NSMAF: variants seen among roughly 807,000 people sequenced by gnomAD.
NSMAF encodes neutral sphingomyelinase activation associated factor, also known as protein FAN.
In NSMAF, 90 loss-of-function variants were observed where a neutral mutation model predicts 134.9. That is an observed-to-expected ratio of 0.67 (90% CI 0.56 to 0.79). NSMAF has a LOEUF of 0.79. Ranked by LOEUF, NSMAF falls within the 30% of genes least tolerant of loss-of-function variation. The pLI is 0.00. For synonymous variants in NSMAF, 358 were observed against 389.6 expected, an observed-to-expected ratio of 0.92 and a Z score of 0.96; for missense variants, 1,010 against 1,119.0, an observed-to-expected ratio of 0.90 and a Z score of 1.39.
chr8:58,601,469 C>T lies in NSMAF; in HGVS notation c.1192G>A (p.Val398Ile), dbSNP rs779284766. The T allele has an allele frequency of 6.8e-6, 11 of 1,610,014 alleles. 1 individual carries two copies. The South Asian group carries it at 1.1e-4, about 16-fold the overall frequency. ...YGSHYSSPGY[V>I]LFYLVRIAPE... ...CCAATCCTAACAAGATAAAAAAGTA[C>T]ATAACCCGGGGAAGAGTAGTGACTC... Residue 398 changes from valine to isoleucine, a missense_variant, in exon 15 of 31, where the codon GTA (valine) becomes ATA (isoleucine). Val to Ile is a conservative substitution (Grantham distance 29, BLOSUM62 3). Coordinates refer to ENST00000038176, the MANE Select transcript of NSMAF (RefSeq NM_003580.4).
At chr8:58,639,014 G>A (rs1807267360) in intron 2 of NSMAF, among the ~76,000 whole-genome samples, 1 of 152,144 alleles carries the variant, frequency 6.6e-6, no homozygotes. Context: ...GGTGGGTGTG[G>A]TGGCTCACGC....
chr8:58,590,304 AC>A (rs112561291), intron 24 of NSMAF, among the ~76,000 whole-genome samples: 2 of 151,646 alleles, frequency 1.3e-5, no homozygotes, highest in African/African-American at 2.4e-5. Context: ...TAGCCTGATG[AC>A]TCTCCAGGGT....
chr8:58,640,317 T>C (rs571795895), intron 2 of NSMAF, among the ~76,000 whole-genome samples: 1 of 152,180 alleles, frequency 6.6e-6, no homozygotes, highest in South Asian at 2.1e-4. Context: ...ATATATACAA[T>C]TTTTATTCAT....
chr8:58,615,834 G>C (rs1453848819), intron 9 of NSMAF, among the ~76,000 whole-genome samples: 1 of 152,074 alleles, frequency 6.6e-6, no homozygotes, highest in African/African-American at 2.4e-5. Flanking sequence ...TCAACTATAA[G>C]TAAAGTGAAA....
chr8:58,658,456 T>C (rs767037937), intron 1 of NSMAF, among the ~76,000 whole-genome samples: 9 of 152,154 alleles, frequency 5.9e-5, no homozygotes, highest in Non-Finnish European at 8.8e-5. Context: ...TAGACCAACA[T>C]TACAGATTAG....
intron 30 of NSMAF, 34 bp downstream of exon 30, chr8:58,585,618 A>AT (rs1563521207): frequency 6.9e-7 from 1 of 1,450,028 alleles, no homozygotes. Context: ...TTATCTTGAG[A>AT]ACAAAGATCA....
intron 10 of NSMAF, 63 bp downstream of exon 10, chr8:58,609,541 G>A (rs991348817): frequency 6.4e-7 from 1 of 1,574,692 alleles, no homozygotes; most frequent in Non-Finnish European, 8.7e-7. Flanking sequence ...GGCATTGTGA[G>A]GCCATGGTCT....
intron 1 of NSMAF, among the ~76,000 whole-genome samples, chr8:58,647,385 G>A (rs1443160104): frequency 6.6e-6 from 1 of 152,178 alleles, no homozygotes; most frequent in Non-Finnish European, 1.5e-5. Context: ...TATAGACAAG[G>A]CAAGATCGCA....
In NSMAF at chr8:58,609,618, G is replaced by C. The variant is rs1466210895; in HGVS notation, c.673C>G (p.Leu225Val). ...GGTCTACACACCGGGTAGCCGTTGAGGGGCTGAAAATACAGGTTTGTGTCC... is the reference window on the plus strand; with the variant it reads ...GGTCTACACACCGGGTAGCCGTTGACGGGCTGAAAATACAGGTTTGTGTCC... ...ITDTNLYFQPLNGYPKPVVQI... is the reference protein window; with the variant it reads ...ITDTNLYFQPVNGYPKPVVQI... The change falls in exon 10 of 31, where the codon CTC (leucine) becomes GTC (valine). Residue 225 changes from leucine (L) to valine (V), a missense_variant. Coordinates refer to ENST00000038176, the MANE Select transcript of NSMAF (RefSeq NM_003580.4). 2.5e-6 allele frequency: 4 copies of C among 1,614,160 alleles called. No homozygotes were observed. Among genetic ancestry groups the C allele is most frequent in the Non-Finnish European group, 3.4e-6 (4 of 1,180,002 alleles).
chr8:58,591,025 CA>C, intron 23 of NSMAF, 91 bp from the exon 24 acceptor site: 1 of 1,397,760 alleles, frequency 7.2e-7, no homozygotes, highest in Non-Finnish European at 9.6e-7. Flanking sequence ...TCCTGGTGGC[CA>C]ACAGTACACT....
At chr8:58,604,284 GAC>G (rs1342197590) in intron 12 of NSMAF, among the ~76,000 whole-genome samples, 1 of 152,018 alleles carries the variant, frequency 6.6e-6, no homozygotes. Context: ...AGTGAGAACT[GAC>G]AGTTTCTTAG....
In NSMAF at chr8:58,609,983, A is replaced by G. The variant is rs775540960; in HGVS notation, c.558-250T>C. ...AGAAGCCATGACAGACAAGTAAATAATACCAAATAACCCTTAGCTAAACTC... is the reference window on the plus strand; with the variant it reads ...AGAAGCCATGACAGACAAGTAAATAGTACCAAATAACCCTTAGCTAAACTC... On this transcript the variant is annotated intron_variant, in intron 9 of 30. Coordinates refer to ENST00000038176, the MANE Select transcript of NSMAF (RefSeq NM_003580.4). Among the ~76,000 whole-genome samples the G allele has an allele frequency of 5.6e-4, 85 of 152,200 alleles. 2 individuals are homozygous for G. Among genetic ancestry groups the G allele is most frequent in the Non-Finnish European group, 2.1e-4 (14 of 68,034 alleles).
At chr8:58,595,146 C>T (rs1157899227) in intron 22 of NSMAF, among the ~76,000 whole-genome samples, 1 of 152,184 alleles carries the variant, frequency 6.6e-6, no homozygotes, top group Non-Finnish European at 1.5e-5. Context: ...TTGCAATGTT[C>T]TCTGGGAGAG....
chr8:58,601,445 C>A lies in NSMAF; in HGVS notation c.1216G>T (p.Ala406Ser). The change falls in exon 15 of 31, where the codon GCA becomes TCA. Residue 406 changes from alanine (A) to serine (S), a missense_variant and splice_region_variant. Ala to Ser is a moderately conservative substitution (Grantham distance 99, BLOSUM62 1). Coordinates refer to ENST00000038176, the MANE Select transcript of NSMAF (RefSeq NM_003580.4). ...GYVLFYLVRI[A>S]PEYMLCLQNG... ...TGGGGGTAATGATAAAGAATCTTAC[C>A]AATCCTAACAAGATAAAAAAGTACA... The A allele has an allele frequency of 6.2e-7, 1 of 1,610,134 alleles. No homozygotes were observed. Among genetic ancestry groups the A allele is most frequent in the Non-Finnish European group, 8.5e-7 (1 of 1,178,224 alleles).
intron 1 of NSMAF, among the ~76,000 whole-genome samples, chr8:58,658,610 A>C (rs913141740): frequency 6.6e-6 from 1 of 152,222 alleles, no homozygotes; most frequent in African/African-American, 2.4e-5. Flanking sequence ...GGCTAGCAGC[A>C]CTGGAAGATC....
At chr8:58,628,877 A>C (rs946359691) in intron 6 of NSMAF, among the ~76,000 whole-genome samples, 18 of 152,068 alleles carry the variant, frequency 1.2e-4, no homozygotes, top group Admixed American at 1.0e-3. Context: ...TTTATCATCC[A>C]ATTTTCTGAC....
intron 10 of NSMAF, 84 bp from the exon 11 acceptor site, chr8:58,607,924 A>C: frequency 9.2e-7 from 1 of 1,091,958 alleles, no homozygotes. Flanking sequence ...GGGGAAAAAA[A>C]AATCACCAAA....
At chr8:58,597,261 T>G (rs183569498) in intron 21 of NSMAF, 126 bp downstream of exon 21, 1 of 838,692 alleles carries the variant, frequency 1.2e-6, no homozygotes, top group African/African-American at 1.7e-5. Context: ...AGAACTGCAA[T>G]AAGGCAGGAG....
intron 16 of NSMAF, 68 bp from the exon 17 acceptor site, chr8:58,600,089 C>G: frequency 1.7e-6 from 2 of 1,150,766 alleles, no homozygotes; most frequent in Non-Finnish European, 2.6e-6. Flanking sequence ...TTCCTATGCA[C>G]TTGGGGGCTG....
Sources: allele counts gnomAD v4.1 joint callset (sites outside exome capture counted in the v4.1 genomes callset), GRCh38; gene constraint gnomAD v4.1.1; transcripts MANE v1.5; gene names NCBI Gene and HGNC (gene_info 2026-07-23, HGNC 2026-07-21).